Variants in ADAMTSL1 observed in about 807,000 individuals in gnomAD.
ADAMTSL1 encodes the protein ADAMTS-like protein 1.
A neutral mutation model predicts 201.8 loss-of-function variants in ADAMTSL1; 126 were observed. That is an observed-to-expected ratio of 0.62 (90% confidence interval 0.54 to 0.72). The LOEUF (loss-of-function observed/expected upper bound fraction) is 0.72, where lower values mean the gene tolerates loss of function less well. ADAMTSL1 is among the 30% of genes least tolerant of loss of function. The pLI is 0.00. For synonymous variants in ADAMTSL1, 1,121 were observed against 903.4 expected (o/e 1.24, Z -4.32); for missense variants, 2,679 against 2,277.8 (o/e 1.18, Z -3.59).
chr9:18,517,430 T>A (rs1564011971), intron 2 of ADAMTSL1, among the ~76,000 whole-genome samples: 1 of 152,082 alleles, frequency 6.6e-6, no homozygotes, highest in African/African-American at 2.4e-5. Flanking sequence ...TATTTTTTTT[T>A]ATTATACTTT....
chr9:18,254,963 C>A (rs7860151), intron 2 of ADAMTSL1, among the ~76,000 whole-genome samples: 1,630 of 152,032 alleles, frequency 0.011, 27 homozygotes, highest in African/African-American at 0.037. Flanking sequence ...AGCTCACCTG[C>A]GTTTGATGAT....
At chr9:18,642,938 T>C (rs898123965) in intron 7 of ADAMTSL1, among the ~76,000 whole-genome samples, 2 of 152,082 alleles carry the variant, frequency 1.3e-5, no homozygotes, top group Non-Finnish European at 1.5e-5. Flanking sequence ...CCTTCGAGTA[T>C]ATACCCAGGA....
At chr9:18,005,446 G>T (rs1819776033) in intron 1 of ADAMTSL1, among the ~76,000 whole-genome samples, 1 of 152,058 alleles carries the variant, frequency 6.6e-6, no homozygotes, top group Non-Finnish European at 1.5e-5. Context: ...GAAGGAAAAA[G>T]AAGTACAGGG....
chr9:18,186,698 G>T (rs1828749512), intron 2 of ADAMTSL1, among the ~76,000 whole-genome samples: 1 of 152,052 alleles, frequency 6.6e-6, no homozygotes, highest in Non-Finnish European at 1.5e-5. Flanking sequence ...ATCTCTTTCT[G>T]TAATTTGGAA....
intron 23 of ADAMTSL1, among the ~76,000 whole-genome samples, chr9:18,877,576 G>A (rs865843980): frequency 1.3e-4 from 20 of 152,178 alleles, no homozygotes; most frequent in African/African-American, 4.8e-4. Flanking sequence ...GTCTTGTGAT[G>A]TGATTTGTCT....
intron 1 of ADAMTSL1, among the ~76,000 whole-genome samples, chr9:18,038,782 G>A (rs1379810620): frequency 6.6e-6 from 1 of 152,182 alleles, no homozygotes; most frequent in Non-Finnish European, 1.5e-5. Context: ...CATCTAACAA[G>A]AAAGTAAAGA....
At chr9:18,396,229 T>C (rs2133243277) in intron 2 of ADAMTSL1, among the ~76,000 whole-genome samples, 1 of 152,252 alleles carries the variant, frequency 6.6e-6, no homozygotes, top group South Asian at 2.1e-4. Context: ...TTGGTGGCCA[T>C]GGCTGTGGAG....
chr9:18,166,197 C>G (rs1827620188), intron 2 of ADAMTSL1, among the ~76,000 whole-genome samples: 1 of 151,916 alleles, frequency 6.6e-6, no homozygotes, highest in Non-Finnish European at 1.5e-5. Flanking sequence ...AGCTCTGCTC[C>G]TTGAAGACAG....
chr9:18,430,464 T>C (rs917270081), intron 2 of ADAMTSL1, among the ~76,000 whole-genome samples: 1 of 152,186 alleles, frequency 6.6e-6, no homozygotes, highest in Non-Finnish European at 1.5e-5. Context: ...CTGATCTAGT[T>C]CTAACTTTTC....
chr9:18,328,231 G>A (rs1834901031), intron 2 of ADAMTSL1, among the ~76,000 whole-genome samples: 1 of 152,210 alleles, frequency 6.6e-6, no homozygotes, highest in Non-Finnish European at 1.5e-5. Context: ...GAGAGTGCAT[G>A]TGTGTTCTCA....
chr9:18,216,981 A>G (rs551798612), intron 2 of ADAMTSL1, among the ~76,000 whole-genome samples: 2 of 151,910 alleles, frequency 1.3e-5, no homozygotes, highest in East Asian at 3.9e-4. Context: ...CCTCCATTAG[A>G]TTGTTGGGAG....
chr9:18,425,440 C>T (rs1819167513), intron 2 of ADAMTSL1, among the ~76,000 whole-genome samples: 1 of 152,186 alleles, frequency 6.6e-6, no homozygotes, highest in African/African-American at 2.4e-5. Flanking sequence ...AATATACCCT[C>T]TGCTAAGCAC....
At chr9:18,424,388 T>TAC (rs920995421) in intron 2 of ADAMTSL1, among the ~76,000 whole-genome samples, 15 of 152,326 alleles carry the variant, frequency 9.8e-5, no homozygotes, top group Admixed American at 5.2e-4. Flanking sequence ...GTGAATCTTA[T>TAC]ACAGTCCCCA....
chr9:18,543,428 C>T (rs140587057), intron 3 of ADAMTSL1, among the ~76,000 whole-genome samples: 1 of 152,042 alleles, frequency 6.6e-6, no homozygotes, highest in African/African-American at 2.4e-5. Flanking sequence ...TTGATTGTTT[C>T]TCTGAGGGCA....
intron 13 of ADAMTSL1, among the ~76,000 whole-genome samples, chr9:18,694,302 A>G (rs1018351349): frequency 6.6e-6 from 1 of 152,140 alleles, no homozygotes; most frequent in African/African-American, 2.4e-5. Flanking sequence ...CTCATGTTGC[A>G]AAATACAATC....
At position 18,905,876 on chromosome 9, in the gene ADAMTSL1, G is replaced by A; in HGVS notation, c.4946G>A (p.Cys1649Tyr). The A allele has an allele frequency of 6.2e-7, 1 of 1,611,888 alleles. No homozygotes were observed. The highest frequency in any genetic ancestry group is 8.5e-7 in the Non-Finnish European group (1 of 1,178,828). The change falls in exon 27 of 29, where the codon TGC becomes TAC. Residue 1649 changes from cysteine (C) to tyrosine (Y), a missense_variant. Cys to Tyr is a radical substitution (Grantham distance 194, BLOSUM62 -2). Coordinates refer to ENST00000380548, the MANE Select transcript of ADAMTSL1 (RefSeq NM_001040272.6). ...GGCATCACCTTACCATCAGAGCAGT[G>A]CAGTGCTCTTCCGAGGTAAGAGAAA... Reference protein sequence around the residue: ...RDGITLPSEQCSALPRPVSTQ... With the variant: ...RDGITLPSEQYSALPRPVSTQ...
chr9:18,047,023 A>G (rs549312653), intron 1 of ADAMTSL1, among the ~76,000 whole-genome samples: 28 of 152,302 alleles, frequency 1.8e-4, no homozygotes, highest in African/African-American at 6.7e-4. Context: ...AATGGAAGGC[A>G]GAAAAATGGC....
At chr9:18,090,506 A>G (rs1823964359) in intron 1 of ADAMTSL1, among the ~76,000 whole-genome samples, 1 of 152,224 alleles carries the variant, frequency 6.6e-6, no homozygotes, top group Middle Eastern at 3.2e-3. Context: ...AAGGATAAAT[A>G]CTGGATGTTT....
intron 23 of ADAMTSL1, among the ~76,000 whole-genome samples, chr9:18,840,024 A>G (rs1183397212): frequency 6.7e-6 from 1 of 149,614 alleles, no homozygotes; most frequent in Admixed American, 6.7e-5. Flanking sequence ...TGCTGTGCAG[A>G]AGCTCTTTAG....
Sources: gnomAD v4.1 joint callset for allele counts (sites outside exome capture counted in the v4.1 genomes callset) on GRCh38, gnomAD v4.1.1 for gene constraint, MANE v1.5 for transcripts, NCBI Gene and HGNC (gene_info 2026-07-23, HGNC 2026-07-21) for gene names.